The following ADGRL2 variants were observed in gnomAD, a reference collection of about 807,000 sequenced individuals.
ADGRL2 encodes the protein calcium-independent alpha-latrotoxin receptor 2.
Under a neutral mutation model 157.4 loss-of-function variants are expected in ADGRL2, and 44 were observed. The ratio of observed to expected loss-of-function variants is 0.28; its 90% CI spans 0.22 to 0.36. ADGRL2 has a LOEUF of 0.36. ADGRL2 is among the 10% of genes least tolerant of loss of function. The pLI, the probability that ADGRL2 is intolerant of heterozygous loss-of-function variation, is 1.00. For synonymous variants in ADGRL2, 585 were observed against 624.7 expected (o/e 0.94, Z 0.95); for missense variants, 1,510 against 1,768.9 (o/e 0.85, Z 2.63).
chr1:81,829,295 T>C (rs1327433065), intron 1 of ADGRL2, among the ~76,000 whole-genome samples: 1 of 152,196 alleles, frequency 6.6e-6, no homozygotes, highest in Non-Finnish European at 1.5e-5. Context: ...TCACTTAGAC[T>C]CTAGCTTTAT....
At chr1:81,558,953 G>A (rs2080377708) in intron 2 of ADGRL2, among the ~76,000 whole-genome samples, 3 of 152,096 alleles carry the variant, frequency 2.0e-5, no homozygotes, top group Admixed American at 1.3e-4. Flanking sequence ...TGCCTGGTCT[G>A]GGTCAGGTAT....
chr1:81,707,363 C>T (rs654498), intron 1 of ADGRL2, among the ~76,000 whole-genome samples: 97,627 of 152,026 alleles, frequency 0.64, 31,757 homozygotes, highest in Non-Finnish European at 0.66. Flanking sequence ...TATTTTATCT[C>T]TTTGAATACA....
intron 1 of ADGRL2, among the ~76,000 whole-genome samples, chr1:81,756,003 G>A (rs1026291493): frequency 6.6e-6 from 1 of 152,068 alleles, no homozygotes; most frequent in African/African-American, 2.4e-5. Flanking sequence ...GCACATTCGA[G>A]TTTAAGAAAC....
rs1431440631 is a variant in ADGRL2 at position 81,427,022 on chromosome 1, T to G, written c.-301-18014T>G. 1.9e-5 allele frequency: 20 copies of G among 1,060,016 alleles called. No individual in the cohort carries two copies. The East Asian group carries it at 3.1e-4, about 16-fold the overall frequency. The allele number at this position is 1,060,016 out of a possible 1,614,324, so 65.7% of individuals were successfully genotyped here. On this transcript the variant is annotated intron_variant, in intron 1 of 24. Transcript: ENST00000370721. ...CATTGTTATTCAGAAATACCACAGT[T>G]GATAACATTGTTATTCAGAAATACC...
chr1:81,326,139 C>T (rs1660882202), intron 1 of ADGRL2, among the ~76,000 whole-genome samples: 1 of 152,152 alleles, frequency 6.6e-6, no homozygotes, highest in Non-Finnish European at 1.5e-5. Context: ...ATCAGCCACA[C>T]AACTAAGCAT....
At chr1:81,971,070 G>GTAGA (rs1658588687) in intron 16 of ADGRL2, among the ~76,000 whole-genome samples, 1 of 152,120 alleles carries the variant, frequency 6.6e-6, no homozygotes, top group Non-Finnish European at 1.5e-5. Context: ...GTGACAGAAG[G>GTAGA]TAGACATAGT....
intron 6 of ADGRL2, among the ~76,000 whole-genome samples, chr1:81,945,637 C>A (rs1649566726): frequency 6.6e-6 from 1 of 152,012 alleles, no homozygotes; most frequent in Non-Finnish European, 1.5e-5. Flanking sequence ...GATGAAAAGT[C>A]TTTGATAGTT....
chr1:81,586,278 G>A (rs1211125096), intron 3 of ADGRL2: 3 of 151,952 alleles, frequency 2.0e-5, no homozygotes, highest in Admixed American at 6.6e-5. Context: ...CAAACAGAAG[G>A]GGATAATCGG....
chr1:81,544,953 T>TA (rs901747026), intron 2 of ADGRL2, among the ~76,000 whole-genome samples: 1 of 152,196 alleles, frequency 6.6e-6, no homozygotes, highest in African/African-American at 2.4e-5. Context: ...TTTGGCCACC[T>TA]ACTCACATCT....
At chr1:81,629,482 G>C (rs1302435595) in intron 3 of ADGRL2, among the ~76,000 whole-genome samples, 1 of 151,984 alleles carries the variant, frequency 6.6e-6, no homozygotes, top group Non-Finnish European at 1.5e-5. Context: ...GAATAGAACA[G>C]ATTATTTTTG....
chr1:81,867,783 GA>G (rs1361804309), intron 2 of ADGRL2, among the ~76,000 whole-genome samples: 4 of 152,106 alleles, frequency 2.6e-5, no homozygotes, highest in African/African-American at 9.7e-5. Context: ...GTAGTTGAGT[GA>G]ATAATCAGGA....
chr1:81,442,655 C>A (rs190206304), intron 1 of ADGRL2, among the ~76,000 whole-genome samples: 10 of 152,090 alleles, frequency 6.6e-5, no homozygotes, highest in African/African-American at 2.4e-4. Context: ...ACATGGTACT[C>A]GGGAGCAAAA....
chr1:81,342,318 TAG>T (rs1221528460), intron 1 of ADGRL2, among the ~76,000 whole-genome samples: 6 of 152,194 alleles, frequency 3.9e-5, no homozygotes, highest in Non-Finnish European at 8.8e-5. Flanking sequence ...ACTGAGGAAT[TAG>T]AGTTACAGTG....
intron 2 of ADGRL2, among the ~76,000 whole-genome samples, chr1:81,544,093 A>C (rs978989168): frequency 3.3e-5 from 5 of 151,800 alleles, no homozygotes; most frequent in African/African-American, 1.2e-4. Context: ...CCATCTGGCA[A>C]CCCTGATTCC....
intron 1 of ADGRL2, among the ~76,000 whole-genome samples, chr1:81,710,609 G>A (rs1036671456): frequency 1.0e-4 from 14 of 136,818 alleles, no homozygotes; most frequent in Non-Finnish European, 1.7e-4. Flanking sequence ...GACAGAGAGA[G>A]ACTCTGCTCA....
At chr1:81,712,859 T>A (rs1570925914) in intron 1 of ADGRL2, among the ~76,000 whole-genome samples, 1 of 144,652 alleles carries the variant, frequency 6.9e-6, no homozygotes, top group Non-Finnish European at 1.5e-5. Flanking sequence ...ACCTCCCGGG[T>A]TCAAGTGATT....
intron 3 of ADGRL2, among the ~76,000 whole-genome samples, chr1:81,669,669 G>A (rs1178100262): frequency 2.6e-5 from 4 of 152,094 alleles, no homozygotes; most frequent in Non-Finnish European, 5.9e-5. Flanking sequence ...CTGGCTGGGT[G>A]TGGTGGTGCA....
intron 3 of ADGRL2, among the ~76,000 whole-genome samples, chr1:81,583,498 A>G (rs1171302181): frequency 5.9e-5 from 9 of 152,158 alleles, no homozygotes; most frequent in Admixed American, 5.9e-4. Context: ...AATAACTTGA[A>G]GAAAAACCTC....
chr1:81,782,401 A>G (rs905707654), intron 2 of ADGRL2, among the ~76,000 whole-genome samples: 6 of 152,340 alleles, frequency 3.9e-5, no homozygotes, highest in African/African-American at 1.4e-4. Context: ...GTAATTTCTA[A>G]TGCCAGAATT....
Sources: gnomAD v4.1 joint callset for allele counts (sites outside exome capture counted in the v4.1 genomes callset) on GRCh38, gnomAD v4.1.1 for gene constraint, MANE v1.5 for transcripts, NCBI Gene and HGNC (gene_info 2026-07-23, HGNC 2026-07-21) for gene names.